MECOM: variants seen among roughly 807,000 people sequenced by gnomAD.
MECOM encodes MDS1 and EVI1 complex locus, also known as histone-lysine N-methyltransferase MECOM.
A neutral mutation model predicts 116.3 loss-of-function variants in MECOM; 13 were observed. The observed-to-expected ratio is 0.11, with a 90% CI of 0.07 to 0.18. MECOM has a LOEUF of 0.18. Ranked by LOEUF, MECOM falls within the 10% of genes least tolerant of loss-of-function variation. MECOM has a pLI of 1.00. For missense variants in MECOM, 1,299 were observed against 1,509.0 expected, an observed-to-expected ratio of 0.86 and a Z score of 2.31; for synonymous variants, 528 against 535.2, an observed-to-expected ratio of 0.99 and a Z score of 0.19.
At chr3:169,571,507 G>A (rs1282685632) in intron 1 of MECOM, among the ~76,000 whole-genome samples, 1 of 152,088 alleles carries the variant, frequency 6.6e-6, no homozygotes, top group East Asian at 1.9e-4. Flanking sequence ...ATTTCATGTG[G>A]AACAGAAATA....
At chr3:169,404,132 C>CGATAAATGCTTTTCTTGAAT (rs1736291215) in intron 1 of MECOM, among the ~76,000 whole-genome samples, 1 of 152,088 alleles carries the variant, frequency 6.6e-6, no homozygotes, top group Non-Finnish European at 1.5e-5. Flanking sequence ...TTCTATAGAA[C>CGATAAATGCTTTTCTTGAAT]TAGACCCTAT....
At chr3:169,472,614 AAAGAAAAGAAAAGAAAAGAAAAG>A in intron 1 of MECOM, among the ~76,000 whole-genome samples, 1 of 68,790 alleles carries the variant, frequency 1.5e-5, no homozygotes, top group Non-Finnish European at 2.6e-5. Context: ...AAAGGAAAGG[AAAGAAAAGAAAAGAAAAGAAAAG>A]GAAAGGAAAG....
chr3:169,228,967 T>C (rs1331980210), intron 2 of MECOM, among the ~76,000 whole-genome samples: 2 of 152,230 alleles, frequency 1.3e-5, no homozygotes, highest in East Asian at 1.9e-4. Flanking sequence ...ACAGTGAAGA[T>C]GTTATTCAAA....
At chr3:169,168,467 A>G (rs1236148640) in intron 2 of MECOM, among the ~76,000 whole-genome samples, 2 of 152,010 alleles carry the variant, frequency 1.3e-5, no homozygotes, top group Non-Finnish European at 1.5e-5. Context: ...TGAAATCAAT[A>G]AATTTTGCCA....
chr3:169,396,083 C>G (rs1383755419), intron 1 of MECOM, among the ~76,000 whole-genome samples: 1 of 152,298 alleles, frequency 6.6e-6, no homozygotes, highest in Admixed American at 6.5e-5. Flanking sequence ...TATGGCATTT[C>G]TAGAATTAGT....
intron 1 of MECOM, among the ~76,000 whole-genome samples, chr3:169,658,240 A>T (rs1486159689): frequency 6.6e-6 from 1 of 152,266 alleles, no homozygotes; most frequent in African/African-American, 2.4e-5. Flanking sequence ...AGCGGCTTCC[A>T]GCGGAAGAAG....
intron 16 of MECOM, among the ~76,000 whole-genome samples, chr3:169,087,322 A>G (rs1257573539): frequency 2.0e-5 from 3 of 152,146 alleles, no homozygotes; most frequent in Non-Finnish European, 4.4e-5. Context: ...GGCCAGGTGC[A>G]ATGGGTCACA....
At chr3:169,588,155 A>G (rs1016974377) in intron 1 of MECOM, among the ~76,000 whole-genome samples, 1 of 152,174 alleles carries the variant, frequency 6.6e-6, no homozygotes, top group South Asian at 2.1e-4. Flanking sequence ...AGTAGTTTCT[A>G]TATCTTCTGT....
At position 169,371,123 on chromosome 3, in the gene MECOM, G is replaced by A. The variant is rs566730872; in HGVS notation, c.375+10064C>T. ...CAAAATATAGAAACAACCTGAATGC[G>A]AAGGATGAATCATTTTAAAATGTGG... On this transcript the variant is annotated intron_variant, in intron 2 of 16. Coordinates refer to ENST00000651503, the MANE Select transcript of MECOM (RefSeq NM_004991.4). 1.3e-3 allele frequency among the ~76,000 whole-genome samples: 201 copies of A among 152,002 alleles called. 1 individual carries two copies. The highest frequency in any genetic ancestry group is 4.6e-3 in the African/African-American group (192 of 41,532).
intron 1 of MECOM, among the ~76,000 whole-genome samples, chr3:169,581,639 C>G (rs911039479): frequency 2.0e-5 from 3 of 152,234 alleles, no homozygotes; most frequent in Middle Eastern, 6.8e-3. Context: ...CTTGCCCTGT[C>G]ATCTTGATCT....
chr3:169,389,489 AT>A, intron 1 of MECOM: 1 of 848,924 alleles, frequency 1.2e-6, no homozygotes, highest in Non-Finnish European at 1.4e-6. Context: ...TTTTTCTTTT[AT>A]GTTTTAGCTA....
intron 2 of MECOM, among the ~76,000 whole-genome samples, chr3:169,283,245 G>C (rs917843991): frequency 6.6e-6 from 1 of 152,128 alleles, no homozygotes; most frequent in Non-Finnish European, 1.5e-5. Flanking sequence ...GCTCATGCCT[G>C]TAATCCCAGC....
chr3:169,571,975 C>A (rs149023393), intron 1 of MECOM, among the ~76,000 whole-genome samples: 1,815 of 152,192 alleles, frequency 0.012, 31 homozygotes, highest in African/African-American at 0.033. Flanking sequence ...GCAACAAAAG[C>A]CAAAATTGAT....
Position 169,622,719 on chromosome 3 carries a change from G to A in MECOM, c.37+40617C>T, listed in dbSNP as rs146981264. 3.3e-5 allele frequency among the ~76,000 whole-genome samples: 5 copies of A among 152,280 alleles called. No individual in the cohort carries two copies. The East Asian group carries it at 9.6e-4, about 29-fold the overall frequency. ...TCTCTTTTATTGTGTGCCTGGCACT[G>A]TGTTGGCACCAGAGTTTCAAAGATA... On this transcript the variant is annotated intron_variant, in intron 1 of 16. Transcript: ENST00000651503.
chr3:169,433,703 A>G (rs935290503), intron 1 of MECOM, among the ~76,000 whole-genome samples: 3 of 135,432 alleles, frequency 2.2e-5, no homozygotes, highest in Admixed American at 2.2e-4. Flanking sequence ...AAGAAAGAAA[A>G]GAAAGAAAGA....
chr3:169,416,716 T>C (rs975239459), intron 1 of MECOM, among the ~76,000 whole-genome samples: 3 of 151,776 alleles, frequency 2.0e-5, no homozygotes, highest in African/African-American at 7.3e-5. Flanking sequence ...ACTGACCCCA[T>C]AGAAATACAA....
intron 1 of MECOM, among the ~76,000 whole-genome samples, chr3:169,512,886 T>C (rs183900928): frequency 1.3e-5 from 2 of 152,310 alleles, no homozygotes; most frequent in East Asian, 3.9e-4. Flanking sequence ...AGGGTTGCTA[T>C]ATCAACTTTA....
At chr3:169,651,068 C>T (rs552563113) in intron 1 of MECOM, among the ~76,000 whole-genome samples, 6 of 152,130 alleles carry the variant, frequency 3.9e-5, no homozygotes, top group Non-Finnish European at 8.8e-5. Flanking sequence ...TGAGAGTGGG[C>T]ATCATTGTCT....
At chr3:169,147,477 G>A in intron 2 of MECOM, 1 of 985,508 alleles carries the variant, frequency 1.0e-6, no homozygotes. Flanking sequence ...GATCTGATCG[G>A]AAGCCAGACG....
Sources: gnomAD v4.1 joint callset for allele counts (sites outside exome capture counted in the v4.1 genomes callset) on GRCh38, gnomAD v4.1.1 for gene constraint, MANE v1.5 for transcripts, NCBI Gene and HGNC (gene_info 2026-07-23, HGNC 2026-07-21) for gene names.